HEPH: variants seen among roughly 807,000 people sequenced by gnomAD.
HEPH encodes the protein hephaestin.
A neutral mutation model predicts 80.8 loss-of-function variants in HEPH; 69 were observed. The ratio of observed to expected loss-of-function variants is 0.85; its 90% confidence interval spans 0.70 to 1.04. The LOEUF (loss-of-function observed/expected upper bound fraction) is 1.04. HEPH is among the 50% of genes least tolerant of loss of function. The probability of loss-of-function intolerance (pLI) is 0.00; values close to 1 mark genes in which losing one functional copy is unlikely to be tolerated. For missense variants in HEPH, 1,115 were observed against 891.3 expected (o/e 1.25, Z -3.20); for synonymous variants, 431 against 322.8 (o/e 1.34, Z -3.60).
In HEPH at chrX:66,266,637, G is replaced by T. The variant is rs778547340; in HGVS notation, c.3442G>T (p.Asp1148Tyr). 4.2e-6 allele frequency: 5 copies of T among 1,204,667 alleles called. No individual in the cohort carries two copies. In the African/African-American group the frequency reaches 7.1e-5, roughly 17 times the overall value. The change falls in exon 21 of 21, where the codon GAT becomes TAT. Residue 1148 changes from aspartate (D) to tyrosine (Y), a missense_variant. Transcript: ENST00000343002. ...KLRRNRRSIL[D>Y]DSFKLLSFKQ ...ACGACGCAATAGGAGGTCCATCCTG[G>T]ATGACAGCTTCAAGCTTCTGTCTTT...
At chrX:66,255,215 A>G in intron 16 of HEPH, 74 bp downstream of exon 16, 1 of 610,349 alleles carries the variant, frequency 1.6e-6, no homozygotes, top group Non-Finnish European at 2.6e-6. Flanking sequence ...AGGTGTAGTA[A>G]GAAGCTTACT....
At chrX:66,217,482 C>T (rs1569349493) in intron 15 of HEPH, among the ~76,000 whole-genome samples, 1 of 111,422 alleles carries the variant, frequency 9.0e-6, no homozygotes, top group Non-Finnish European at 1.9e-5. Context: ...CAAAGAAATG[C>T]TGAAAAGAAT....
chrX:66,192,825 C>T (rs763918291), intron 7 of HEPH, among the ~76,000 whole-genome samples: 1 of 111,364 alleles, frequency 9.0e-6, no homozygotes, highest in African/African-American at 3.3e-5. Context: ...TCATCCATGA[C>T]CCAGATATGG....
intron 9 of HEPH, among the ~76,000 whole-genome samples, chrX:66,196,048 TAAC>T (rs2088073805): frequency 9.0e-6 from 1 of 111,654 alleles, no homozygotes; most frequent in Non-Finnish European, 1.9e-5. Flanking sequence ...ATTAGAGACA[TAAC>T]AAATGAAATG....
chrX:66,198,303 T>C lies in HEPH; in HGVS notation c.1713+409T>C, dbSNP rs1458748643. 2.7e-5 allele frequency among the ~76,000 whole-genome samples: 3 copies of C among 110,735 alleles called. No individual in the cohort carries two copies. The Admixed American group carries it at 2.9e-4, about 11-fold the overall frequency. On this transcript the variant is annotated intron_variant, in intron 10 of 20. Transcript: ENST00000343002. ...ATTCAGCCCACAATTTCTAGCTGTGTAACATTGGGTGAGCTACTTAACTTC... is the reference window on the plus strand; with the variant it reads ...ATTCAGCCCACAATTTCTAGCTGTGCAACATTGGGTGAGCTACTTAACTTC...
chrX:66,244,423 C>A (rs1569394707), intron 15 of HEPH, among the ~76,000 whole-genome samples: 1 of 111,469 alleles, frequency 9.0e-6, no homozygotes, highest in East Asian at 2.8e-4. Flanking sequence ...CTTTGAGGTT[C>A]TTTCCTCAGC....
chrX:66,208,279 A>G (rs1420990856), intron 15 of HEPH, 33 bp downstream of exon 15: 1 of 1,180,575 alleles, frequency 8.5e-7, no homozygotes. Context: ...AGAACAAAGG[A>G]CATGCATCAC....
chrX:66,199,847 T>A (rs1334483389), intron 11 of HEPH, among the ~76,000 whole-genome samples: 2 of 111,670 alleles, frequency 1.8e-5, no homozygotes, highest in Non-Finnish European at 3.8e-5. Context: ...GGAAATCATG[T>A]GAAAAGTCAA....
chrX:66,202,912 CATATATATAT>C (rs759619010), intron 12 of HEPH, among the ~76,000 whole-genome samples: 12 of 81,786 alleles, frequency 1.5e-4, no homozygotes, highest in Non-Finnish European at 9.2e-5. Flanking sequence ...TTTATGTGTG[CATATATATAT>C]ATATATATAT....
chrX:66,266,710 G>A lies in HEPH; in HGVS notation c.*38G>A. On this transcript the variant is annotated 3_prime_UTR_variant, in exon 21 of 21. Transcript: ENST00000343002. ...GGAGATATCCTCAGGAAGCACATCT[G>A]TAGTGCACTCCCAGCAGGCCATGGA... The A allele has an allele frequency of 1.0e-6, 1 of 994,535 alleles. No homozygotes were observed. The highest frequency in any genetic ancestry group is 1.4e-6 in the Non-Finnish European group (1 of 706,515). 82.0% of individuals were successfully genotyped at this position (994,535 alleles called of 1,213,427 possible).
chrX:66,236,823 T>A (rs1037273535), intron 15 of HEPH, among the ~76,000 whole-genome samples: 1 of 111,336 alleles, frequency 9.0e-6, no homozygotes, highest in Non-Finnish European at 1.9e-5. Context: ...TTCAGAAATT[T>A]AATTTTTTCC....
At position 66,191,154 on chromosome X, in the gene HEPH, G is replaced by A. The variant is rs139944695; in HGVS notation, c.1064-976G>A. Among the ~76,000 whole-genome samples, 403 of 111,720 alleles carry A rather than the reference G, an allele frequency of 3.6e-3. 2 individuals carry two copies. The highest frequency in any genetic ancestry group is 6.3e-3 in the Non-Finnish European group (333 of 53,091). ...CAATTAAGATCTGTAGTTGAAAGAT[G>A]AGAGTTTAACTCTCAACTCCACCTC... is the stretch of plus-strand genomic sequence containing the variant. On this transcript the variant is annotated intron_variant, in intron 6 of 20. Coordinates refer to ENST00000343002, the MANE Select transcript of HEPH (RefSeq NM_001367233.3).
chrX:66,164,833 A>G (rs1185975147), intron 1 of HEPH, among the ~76,000 whole-genome samples: 1 of 112,262 alleles, frequency 8.9e-6, no homozygotes, highest in Non-Finnish European at 1.9e-5. Context: ...CTTAAAAATA[A>G]CCATGTTTGG....
chrX:66,254,475 C>T (rs1246429134), intron 15 of HEPH, among the ~76,000 whole-genome samples: 1 of 111,163 alleles, frequency 9.0e-6, no homozygotes, highest in Non-Finnish European at 1.9e-5. Context: ...AATCTGTTTT[C>T]CTGGTGCTGT....
At chrX:66,240,621 A>G (rs1370652068) in intron 15 of HEPH, among the ~76,000 whole-genome samples, 2 of 111,277 alleles carry the variant, frequency 1.8e-5, no homozygotes, top group Non-Finnish European at 3.8e-5. Context: ...AATAAAATGA[A>G]ATATAGAAAG....
At chrX:66,226,860 G>T (rs571458062) in intron 15 of HEPH, among the ~76,000 whole-genome samples, 55 of 111,493 alleles carry the variant, frequency 4.9e-4, no homozygotes, top group Non-Finnish European at 7.9e-4. Context: ...GACATGCAAA[G>T]AAGATTTGGT....
intron 14 of HEPH, 23 bp downstream of exon 14, chrX:66,207,357 C>T (rs766131750): frequency 2.3e-5 from 26 of 1,134,603 alleles, no homozygotes; most frequent in South Asian, 4.4e-5. Flanking sequence ...TACTTCCCTC[C>T]TAGTGTTTAG....
chrX:66,242,945 G>A (rs2090658910), intron 15 of HEPH, among the ~76,000 whole-genome samples: 2 of 111,927 alleles, frequency 1.8e-5, no homozygotes, highest in South Asian at 3.7e-4. Flanking sequence ...ACTGTGGAAA[G>A]CAGTTTGAAG....
rs752836341 is a variant in HEPH at position 66,219,124 on chromosome X, C to T, written c.2563+10878C>T. On this transcript the variant is annotated intron_variant, in intron 15 of 20. Coordinates refer to ENST00000343002, the MANE Select transcript of HEPH (RefSeq NM_001367233.3). ...AGTGATTCATATAGTACACTTGTGC[C>T]GAAGTATTTTGGTGAACTAAGGTAG... Among the ~76,000 whole-genome samples, 12 of 111,819 alleles carry T rather than the reference C, an allele frequency of 1.1e-4. 1 individual carries two copies. The highest frequency in any genetic ancestry group is 5.6e-4 in the East Asian group (2 of 3,549).
Sources: gnomAD v4.1 joint callset for allele counts (sites outside exome capture counted in the v4.1 genomes callset) on GRCh38, gnomAD v4.1.1 for gene constraint, MANE v1.5 for transcripts, NCBI Gene and HGNC (gene_info 2026-07-23, HGNC 2026-07-21) for gene names.